ZMYM2: variants seen among roughly 807,000 people sequenced by gnomAD.
ZMYM2 encodes zinc finger MYM-type containing 2.
ZMYM2 carries 56 observed loss-of-function variants against 162.8 expected under a neutral mutation model. The ratio of observed to expected loss-of-function variants is 0.34; its 90% CI spans 0.28 to 0.43. ZMYM2 has a LOEUF of 0.43. Among genes scored for constraint, ZMYM2 ranks in the 20% least tolerant of loss-of-function variants. ZMYM2 has a pLI of 1.00. For synonymous variants in ZMYM2, 510 were observed against 541.6 expected (o/e 0.94, Z 0.81); for missense variants, 1,275 against 1,621.8 (o/e 0.79, Z 3.67).
rs1952655184 is a variant in ZMYM2, at chr13:20,027,102, G to A, written c.1736-101G>A. ...AGTATTGAAGGTGCAAATAATAATA[G>A]TTTATTTTTTAACAGAAACTTCTAT... On this transcript the variant is annotated intron_variant, in intron 8 of 24. Transcript: ENST00000610343. 9.9e-6 allele frequency: 8 copies of A among 805,098 alleles called. No individual in the cohort carries two copies. The South Asian group carries it at 1.6e-4, about 16-fold the overall frequency. 49.9% of individuals were successfully genotyped at this position (805,098 alleles called of 1,614,324 possible). A position where few individuals can be genotyped will look rare whatever the true frequency, so the allele number is the denominator to read the frequency against.
intron 21 of ZMYM2, among the ~76,000 whole-genome samples, chr13:20,079,338 AAAAAAG>A (rs1171342675): frequency 4.3e-5 from 6 of 138,226 alleles, no homozygotes; most frequent in African/African-American, 1.1e-4. Flanking sequence ...AAAAAAAAAA[AAAAAAG>A]GATACTTAAT....
intron 21 of ZMYM2, among the ~76,000 whole-genome samples, chr13:20,072,577 T>G (rs1957167186): frequency 6.6e-6 from 1 of 152,164 alleles, no homozygotes. Context: ...TATTCCTTCC[T>G]CCTATTTTCT....
At chr13:20,008,068 G>A (rs1342323165) in intron 6 of ZMYM2, among the ~76,000 whole-genome samples, 1 of 152,190 alleles carries the variant, frequency 6.6e-6, no homozygotes, top group Non-Finnish European at 1.5e-5. Context: ...TTAATTATAG[G>A]TGAGTAGACT....
the ZMYM2 span, among the ~76,000 whole-genome samples, chr13:19,916,956 T>TTTTA: frequency 2.1e-4 from 32 of 152,016 alleles, 1 homozygote; most frequent in East Asian, 3.9e-4. Context: ...AAGCCTAGAG[T>TTTTA]TTTATTTATT....
At chr13:19,907,105 A>T in the ZMYM2 span, among the ~76,000 whole-genome samples, 1 of 152,216 alleles carries the variant, frequency 6.6e-6, no homozygotes, top group Non-Finnish European at 1.5e-5. Flanking sequence ...CATTTTAAGT[A>T]GGTAGAAACA....
At chr13:20,047,146 C>G (rs754022126) in intron 12 of ZMYM2, among the ~76,000 whole-genome samples, 2 of 152,180 alleles carry the variant, frequency 1.3e-5, no homozygotes, top group Non-Finnish European at 2.9e-5. Context: ...ATATGCAGCA[C>G]AATCTTTGAA....
chr13:20,072,698 G>A (rs1957178418), intron 21 of ZMYM2, among the ~76,000 whole-genome samples: 1 of 152,044 alleles, frequency 6.6e-6, no homozygotes, highest in Non-Finnish European at 1.5e-5. Flanking sequence ...GGGTGTGGAT[G>A]GGTGTGGTTT....
At chr13:20,052,129 A>G in intron 13 of ZMYM2, 148 bp from the exon 14 acceptor site, 1 of 652,714 alleles carries the variant, frequency 1.5e-6, no homozygotes, top group South Asian at 2.6e-5. Flanking sequence ...TCTATACTTT[A>G]TACAAATTTG....
chr13:20,049,896 T>G (rs1239394178), intron 12 of ZMYM2, among the ~76,000 whole-genome samples: 1 of 152,018 alleles, frequency 6.6e-6, no homozygotes, highest in Non-Finnish European at 1.5e-5. Context: ...TCCTTTATGC[T>G]TTGTCTTTTC....
At chr13:19,908,219 C>T in the ZMYM2 span, among the ~76,000 whole-genome samples, 9 of 152,156 alleles carry the variant, frequency 5.9e-5, no homozygotes, top group African/African-American at 1.7e-4. Context: ...ACCCAGGAAG[C>T]GGAGGTTGCA....
chr13:19,963,399 A>G (rs9508982), intron 2 of ZMYM2, among the ~76,000 whole-genome samples: 105,005 of 152,192 alleles, frequency 0.69, 41,312 homozygotes, highest in Non-Finnish European at 0.86. Context: ...AACACTTACA[A>G]AGTTGTCAAT....
At chr13:19,873,482 C>T in the ZMYM2 span, among the ~76,000 whole-genome samples, 1 of 151,870 alleles carries the variant, frequency 6.6e-6, no homozygotes, top group Non-Finnish European at 1.5e-5. Flanking sequence ...GATCTTGGCT[C>T]ACTGCAACCT....
At chr13:19,895,307 T>G in the ZMYM2 span, among the ~76,000 whole-genome samples, 1 of 151,936 alleles carries the variant, frequency 6.6e-6, no homozygotes, top group South Asian at 2.1e-4. Context: ...TAATTCCAGT[T>G]CTGGATATAT....
intron 15 of ZMYM2, 141 bp downstream of exon 15, chr13:20,058,845 T>TG (rs768658592): frequency 1.7e-5 from 19 of 1,101,144 alleles, no homozygotes; most frequent in Non-Finnish European, 2.6e-5. Flanking sequence ...TTACGTAATT[T>TG]TAGATATTAC....
At chr13:19,864,680 C>A in the ZMYM2 span, 1 of 152,526 alleles carries the variant, frequency 6.6e-6, no homozygotes, top group Admixed American at 6.5e-5. Context: ...CTGCCACCGT[C>A]TCCTGGTCCG....
Position 19,971,263 on chromosome 13 carries a change from T to TATATATATATATATATA in ZMYM2, c.-11+11237_-11+11238insATATATATATATATATA, listed in dbSNP as rs60439404. Reference sequence around the variant, plus strand: ...GTGTGTGTATATATATATATATATATTTTTTTTTTTTTTTTTTTTTCCTTG... The same window carrying TATATATATATATATATA: ...GTGTGTGTATATATATATATATATATATATATATATATATATATTTTTTTTTTTTTTTTTTTTCCTTG... On this transcript the variant is annotated intron_variant, in intron 2 of 24. Coordinates refer to ENST00000610343, the MANE Select transcript of ZMYM2 (RefSeq NM_197968.4). Among the ~76,000 whole-genome samples, 29 of 64,406 alleles carry TATATATATATATATATA rather than the reference T, an allele frequency of 4.5e-4. 1 individual carries two copies. The highest frequency in any genetic ancestry group is 2.5e-3 in the East Asian group (2 of 796). The allele number at this position is 64,406 out of a possible 152,430, so 42.3% of individuals were successfully genotyped here.
chr13:19,866,590 G>A, the ZMYM2 span, among the ~76,000 whole-genome samples: 1 of 152,120 alleles, frequency 6.6e-6, no homozygotes, highest in African/African-American at 2.4e-5. Context: ...ACTTGTACCT[G>A]GGAGGTGGGG....
intron 3 of ZMYM2, among the ~76,000 whole-genome samples, chr13:19,996,922 G>T (rs1332923417): frequency 6.6e-6 from 1 of 152,144 alleles, no homozygotes; most frequent in Non-Finnish European, 1.5e-5. Flanking sequence ...AAGGTGTGGG[G>T]TGTGGAGCTG....
intron 7 of ZMYM2, among the ~76,000 whole-genome samples, chr13:20,023,569 G>A (rs111766686): frequency 3.9e-5 from 6 of 152,136 alleles, no homozygotes; most frequent in South Asian, 2.1e-4. Context: ...TCATATCTAC[G>A]TTTTACCTTA....
Sources: gnomAD v4.1 joint callset for allele counts (sites outside exome capture counted in the v4.1 genomes callset) on GRCh38, gnomAD v4.1.1 for gene constraint, MANE v1.5 for transcripts, NCBI Gene and HGNC (gene_info 2026-07-23, HGNC 2026-07-21) for gene names.